SRRM4: variants seen among roughly 807,000 people sequenced by gnomAD.
SRRM4 encodes serine/arginine repetitive matrix 4.
Under a neutral mutation model 68.9 loss-of-function variants are expected in SRRM4, and 33 were observed. That is an observed-to-expected ratio of 0.48 (90% CI 0.36 to 0.64). The LOEUF (loss-of-function observed/expected upper bound fraction) is 0.64, where lower values mean the gene tolerates loss of function less well. Ranked by LOEUF, SRRM4 falls within the 30% of genes least tolerant of loss-of-function variation. The probability of loss-of-function intolerance (pLI) is 0.00; values close to 1 mark genes in which losing one functional copy is unlikely to be tolerated. For synonymous variants in SRRM4, 318 were observed against 318.8 expected (o/e 1.00, Z 0.03); for missense variants, 817 against 827.1 (o/e 0.99, Z 0.15).
chr12:119,144,138 C>A (rs1199263832), intron 8 of SRRM4, among the ~76,000 whole-genome samples: 1 of 152,170 alleles, frequency 6.6e-6, no homozygotes, highest in Non-Finnish European at 1.5e-5. Flanking sequence ...CTCGGGGCCC[C>A]TCTTTATTCC....
At chr12:119,120,137 TTCC>T (rs1228365436) in intron 4 of SRRM4, 110 bp from the exon 5 acceptor site, 12 of 581,798 alleles carry the variant, frequency 2.1e-5, no homozygotes, top group South Asian at 9.7e-5. Flanking sequence ...CCTTTCTTCC[TTCC>T]TCCTTTCTCT....
At chr12:119,156,357 A>T in intron 12 of SRRM4, 138 bp from the exon 13 acceptor site, 1 of 1,323,276 alleles carries the variant, frequency 7.6e-7, no homozygotes. Context: ...GCACTGCAAG[A>T]GAAGTGGAAA....
At chr12:119,072,074 G>A (rs1476249106) in intron 1 of SRRM4, among the ~76,000 whole-genome samples, 1 of 152,220 alleles carries the variant, frequency 6.6e-6, no homozygotes, top group East Asian at 1.9e-4. Context: ...CTTCATCTGT[G>A]TAATAGGTAC....
At chr12:119,005,693 G>A (rs1453388400) in intron 1 of SRRM4, among the ~76,000 whole-genome samples, 1 of 152,200 alleles carries the variant, frequency 6.6e-6, no homozygotes, top group Non-Finnish European at 1.5e-5. Flanking sequence ...GAAATTATAT[G>A]CATTAATTGC....
In SRRM4 at chr12:119,100,320, G is replaced by C. The variant is rs1229990015; in HGVS notation, c.132-1916G>C. ...AGTTTGAACAATACAGTGGGACCCT[G>C]TCTCTACAAAAAAAAAAAAAAAATC... On this transcript the variant is annotated intron_variant, in intron 1 of 12. Transcript: ENST00000267260. 1.1e-4 allele frequency among the ~76,000 whole-genome samples: 5 copies of C among 47,026 alleles called. No individual in the cohort carries two copies. The Admixed American group carries it at 1.3e-3, about 12-fold the overall frequency. 30.9% of individuals were successfully genotyped at this position (47,026 alleles called of 152,430 possible).
chr12:119,044,341 C>T (rs1331613800), intron 1 of SRRM4, among the ~76,000 whole-genome samples: 1 of 152,174 alleles, frequency 6.6e-6, no homozygotes, highest in East Asian at 1.9e-4. Context: ...CTGGTGGGTA[C>T]CTTGGGAGAT....
At chr12:118,998,368 C>A (rs1229247198) in intron 1 of SRRM4, among the ~76,000 whole-genome samples, 1 of 146,738 alleles carries the variant, frequency 6.8e-6, no homozygotes, top group Non-Finnish European at 1.5e-5. Context: ...GAGATGGACT[C>A]TAGGGCTATA....
intron 2 of SRRM4, among the ~76,000 whole-genome samples, chr12:119,111,989 T>C (rs1457494007): frequency 6.6e-6 from 1 of 151,174 alleles, no homozygotes; most frequent in Non-Finnish European, 1.5e-5. Flanking sequence ...GAGGTTGCAG[T>C]GAGCTGAGAT....
intron 1 of SRRM4, among the ~76,000 whole-genome samples, chr12:119,013,216 A>T (rs1268863633): frequency 6.6e-6 from 1 of 152,208 alleles, no homozygotes; most frequent in Non-Finnish European, 1.5e-5. Context: ...CTCCTGTAGC[A>T]TAAAGAATGT....
At chr12:119,010,851 GA>G (rs1415172352) in intron 1 of SRRM4, among the ~76,000 whole-genome samples, 2 of 152,094 alleles carry the variant, frequency 1.3e-5, no homozygotes, top group East Asian at 1.9e-4. Context: ...TACAACAGTT[GA>G]AAAAATGCAG....
intron 1 of SRRM4, among the ~76,000 whole-genome samples, chr12:119,099,303 C>A (rs144517879): frequency 3.3e-5 from 5 of 152,148 alleles, no homozygotes; most frequent in African/African-American, 9.6e-5. Flanking sequence ...CCAGCTAATT[C>A]TTTTATTTTT....
intron 1 of SRRM4, among the ~76,000 whole-genome samples, chr12:119,023,306 G>A (rs150484820): frequency 6.6e-6 from 1 of 152,304 alleles, no homozygotes; most frequent in African/African-American, 2.4e-5. Flanking sequence ...ATGAAACTGG[G>A]TGATTTTGCA....
chr12:119,094,548 G>A (rs1954031618), intron 1 of SRRM4, among the ~76,000 whole-genome samples: 1 of 152,124 alleles, frequency 6.6e-6, no homozygotes, highest in Admixed American at 6.5e-5. Context: ...CTAACTTACT[G>A]CATCCCCTGC....
chr12:119,096,149 TAGC>T (rs1340096915), intron 1 of SRRM4, among the ~76,000 whole-genome samples: 4 of 150,290 alleles, frequency 2.7e-5, no homozygotes, highest in Non-Finnish European at 5.9e-5. Flanking sequence ...GCCTCCTGAG[TAGC>T]TGGGAGTACA....
intron 9 of SRRM4, among the ~76,000 whole-genome samples, chr12:119,148,664 T>G (rs529588642): frequency 6.6e-6 from 1 of 152,324 alleles, no homozygotes; most frequent in East Asian, 1.9e-4. Context: ...ACTCAGTTAA[T>G]AAGTGGCAGC....
intron 1 of SRRM4, among the ~76,000 whole-genome samples, chr12:119,081,605 G>A (rs140755051): frequency 1.8e-3 from 268 of 152,340 alleles, no homozygotes; most frequent in African/African-American, 6.2e-3. Flanking sequence ...TTTGACTGGA[G>A]CAGCACCATG....
At chr12:119,143,028 C>A (rs1286879599) in intron 8 of SRRM4, among the ~76,000 whole-genome samples, 2 of 152,216 alleles carry the variant, frequency 1.3e-5, no homozygotes, top group Non-Finnish European at 2.9e-5. Flanking sequence ...TCTCCCAAAG[C>A]AAAGCTATCC....
intron 2 of SRRM4, among the ~76,000 whole-genome samples, chr12:119,105,395 A>G (rs1387425232): frequency 1.3e-5 from 2 of 152,188 alleles, no homozygotes; most frequent in Non-Finnish European, 2.9e-5. Context: ...GAATCACCAC[A>G]CTGTCTTCCA....
chr12:119,004,941 G>A (rs2135994932), intron 1 of SRRM4, among the ~76,000 whole-genome samples: 1 of 150,578 alleles, frequency 6.6e-6, no homozygotes, highest in Non-Finnish European at 1.5e-5. Context: ...TTATTTCACT[G>A]TATTTCAGGG....
Sources: gnomAD v4.1 joint callset for allele counts (sites outside exome capture counted in the v4.1 genomes callset) on GRCh38, gnomAD v4.1.1 for gene constraint, MANE v1.5 for transcripts, NCBI Gene and HGNC (gene_info 2026-07-23, HGNC 2026-07-21) for gene names.